Variants in FLI1 observed in about 807,000 individuals in gnomAD.
FLI1 encodes the protein Friend leukemia integration 1 transcription factor.
In FLI1, 13 loss-of-function variants were observed where a neutral mutation model predicts 53.1. The observed-to-expected ratio is 0.24, with a 90% confidence interval of 0.16 to 0.39. The LOEUF (loss-of-function observed/expected upper bound fraction) is 0.39. Ranked by LOEUF, FLI1 falls within the 10% of genes least tolerant of loss-of-function variation. The probability of loss-of-function intolerance (pLI) is 1.00; values close to 1 mark genes in which losing one functional copy is unlikely to be tolerated. For missense variants in FLI1, 424 were observed against 600.5 expected, an observed-to-expected ratio of 0.71 and a Z score of 3.07; for synonymous variants, 244 against 236.7, an observed-to-expected ratio of 1.03 and a Z score of -0.28.
At chr11:128,765,624 G>A (rs1161530543) in intron 2 of FLI1, among the ~76,000 whole-genome samples, 4 of 152,046 alleles carry the variant, frequency 2.6e-5, no homozygotes, top group Non-Finnish European at 4.4e-5. Context: ...GCAGTGTGGA[G>A]CCCACCTCTC....
intron 2 of FLI1, among the ~76,000 whole-genome samples, chr11:128,762,500 C>G (rs1941160752): frequency 6.6e-6 from 1 of 152,166 alleles, no homozygotes; most frequent in African/African-American, 2.4e-5. Flanking sequence ...ATTTAGAAGA[C>G]TTACTATGGA....
intron 1 of FLI1, among the ~76,000 whole-genome samples, chr11:128,700,014 G>A (rs533263889): frequency 3.0e-4 from 46 of 152,308 alleles, no homozygotes; most frequent in African/African-American, 1.0e-3. Context: ...GAGATCTAGC[G>A]AGAAGATAAG....
rs189030317 is a variant in FLI1, at chr11:128,810,151, G to A, written c.830-308G>A. Among the ~76,000 whole-genome samples, 1 of 152,026 alleles carries A rather than the reference G, an allele frequency of 6.6e-6. No individual in the cohort carries two copies. Among genetic ancestry groups the A allele is most frequent in the Non-Finnish European group, 1.5e-5 (1 of 67,970 alleles). On this transcript the variant is annotated intron_variant, in intron 8 of 8. Coordinates refer to ENST00000527786, the MANE Select transcript of FLI1 (RefSeq NM_002017.5). This position sits in a 1 kb window ranked among gnomAD's most constrained non-coding sequence, Gnocchi z 6.6. The stretch of plus-strand genomic sequence containing the variant: ...AGCCTTGCCAAAGGGATTGAGGGGG[G>A]ATATGGCTCACCCAAGATCACACAG...
chr11:128,788,926 G>A (rs1325566012), intron 5 of FLI1, among the ~76,000 whole-genome samples: 2 of 152,178 alleles, frequency 1.3e-5, no homozygotes, highest in Non-Finnish European at 2.9e-5. Flanking sequence ...GTCAAACAGA[G>A]AGACAGACAG....
At chr11:128,690,300 G>GGA (rs1937682181), upstream of FLI1, among the ~76,000 whole-genome samples, 2 of 152,174 alleles carry the variant, frequency 1.3e-5, no homozygotes, top group African/African-American at 2.4e-5. Context: ...CTGGACCAGA[G>GGA]GGGCATGGGA....
chr11:128,765,590 G>T (rs1246439394), intron 2 of FLI1, among the ~76,000 whole-genome samples: 1 of 152,188 alleles, frequency 6.6e-6, no homozygotes, highest in Non-Finnish European at 1.5e-5. Context: ...CTCTTGCTCT[G>T]GGGGTCCTCC....
intron 1 of FLI1, among the ~76,000 whole-genome samples, chr11:128,725,835 C>A (rs564083619): frequency 6.6e-6 from 1 of 152,298 alleles, no homozygotes; most frequent in African/African-American, 2.4e-5. Flanking sequence ...GAGAAAAAGC[C>A]TGTCAACGTT....
intron 1 of FLI1, among the ~76,000 whole-genome samples, chr11:128,728,789 C>T (rs757570474): frequency 1.6e-4 from 24 of 152,216 alleles, no homozygotes; most frequent in Non-Finnish European, 2.9e-4. Flanking sequence ...ATCAGGTAAA[C>T]CTGCCTTGGC....
At chr11:128,686,919 T>A (rs548939365) in intron 1 of FLI1, 2 of 158,180 alleles carry the variant, frequency 1.3e-5, no homozygotes, top group East Asian at 3.7e-4. Flanking sequence ...TGGCGGCTAG[T>A]GTTTGGGAAA....
chr11:128,741,453 G>C (rs1442958182), intron 1 of FLI1, among the ~76,000 whole-genome samples: 1 of 152,174 alleles, frequency 6.6e-6, no homozygotes, highest in Non-Finnish European at 1.5e-5. Flanking sequence ...TGACTCTTCA[G>C]GCCAGAGCCC....
intron 4 of FLI1, among the ~76,000 whole-genome samples, chr11:128,774,700 C>A (rs547690282): frequency 1.3e-5 from 2 of 152,182 alleles, no homozygotes; most frequent in African/African-American, 4.8e-5. Flanking sequence ...GACTCTTCGG[C>A]GGATGCCCTT....
chr11:128,687,156 C>G (rs1381830361), intron 1 of FLI1, among the ~76,000 whole-genome samples: 4 of 152,250 alleles, frequency 2.6e-5, no homozygotes, highest in African/African-American at 9.6e-5. Flanking sequence ...GGGCGCCACG[C>G]GCTTCTCCTA....
At chr11:128,707,598 A>G (rs1329884053) in intron 1 of FLI1, among the ~76,000 whole-genome samples, 1 of 152,174 alleles carries the variant, frequency 6.6e-6, no homozygotes, top group Non-Finnish European at 1.5e-5. Context: ...GTGGGTCTCT[A>G]TAAACATACT....
At chr11:128,777,105 C>A (rs990435626) in intron 4 of FLI1, among the ~76,000 whole-genome samples, 26 of 152,188 alleles carry the variant, frequency 1.7e-4, no homozygotes, top group Non-Finnish European at 3.5e-4. Flanking sequence ...GGCAGAGGAG[C>A]CTTCGCAGCA....
upstream of FLI1, among the ~76,000 whole-genome samples, chr11:128,689,415 A>G (rs1194238402): frequency 1.3e-5 from 2 of 151,994 alleles, no homozygotes; most frequent in Non-Finnish European, 2.9e-5. Flanking sequence ...TGTACCCCCC[A>G]GGTTCCTTGC....
intron 6 of FLI1, 180 bp downstream of exon 6, chr11:128,805,611 G>T: frequency 1.9e-6 from 1 of 537,766 alleles, no homozygotes; most frequent in Non-Finnish European, 3.3e-6. Flanking sequence ...AGATGATATG[G>T]GATTTTCGTT....
chr11:128,739,807 T>G (rs1250708492), intron 1 of FLI1, among the ~76,000 whole-genome samples: 1 of 152,200 alleles, frequency 6.6e-6, no homozygotes, highest in African/African-American at 2.4e-5. Context: ...ACAGACTGTT[T>G]GGTTCATGTC....
intron 1 of FLI1, among the ~76,000 whole-genome samples, chr11:128,735,450 G>T (rs1419867140): frequency 6.6e-6 from 1 of 152,152 alleles, no homozygotes; most frequent in Non-Finnish European, 1.5e-5. Context: ...TATTTCTAAG[G>T]TTTGGATACA....
intron 1 of FLI1, among the ~76,000 whole-genome samples, chr11:128,736,183 A>T (rs1247771261): frequency 1.7e-5 from 1 of 58,218 alleles, no homozygotes; most frequent in Non-Finnish European, 3.3e-5. Flanking sequence ...ACCCCCGCCC[A>T]GCATAAGAAC....
Sources: allele counts gnomAD v4.1 joint callset (sites outside exome capture counted in the v4.1 genomes callset), GRCh38; gene constraint gnomAD v4.1.1; non-coding constraint Gnocchi (gnomAD v3.1); transcripts MANE v1.5; gene names NCBI Gene and HGNC (gene_info 2026-07-23, HGNC 2026-07-21).